The following VAC14 variants were observed in gnomAD, a reference collection of about 807,000 sequenced individuals.
VAC14 encodes the protein protein VAC14 homolog.
In VAC14, 47 loss-of-function variants were observed where a neutral mutation model predicts 85.3. The observed-to-expected ratio is 0.55, with a 90% confidence interval of 0.44 to 0.70. The LOEUF is 0.70. VAC14 is among the 30% of genes least tolerant of loss of function. The pLI is 0.00. For synonymous variants in VAC14, 447 were observed against 430.5 expected (o/e 1.04, Z -0.47); for missense variants, 861 against 1,004.3 (o/e 0.86, Z 1.93).
At chr16:70,792,719 G>A (rs2034391734) in intron 1 of VAC14, among the ~76,000 whole-genome samples, 1 of 152,166 alleles carries the variant, frequency 6.6e-6, no homozygotes, top group African/African-American at 2.4e-5. Flanking sequence ...ATGAGCCAAG[G>A]GAGAGCCTGG....
intron 14 of VAC14, among the ~76,000 whole-genome samples, chr16:70,712,824 T>C (rs1049216408): frequency 1.1e-4 from 17 of 152,240 alleles, no homozygotes; most frequent in Middle Eastern, 3.2e-3. Flanking sequence ...AAATAAAGTA[T>C]TGAGAATCCT....
In VAC14 at chr16:70,687,837, G is replaced by T; in HGVS notation, c.*91C>A. On this transcript the variant is annotated 3_prime_UTR_variant, in exon 19 of 19. Transcript: ENST00000261776. ...GGTTGGCAGGCCCAGCCCTGGTCCT[G>T]ACAGGCAGGTCCTTGAGCTCCTCGG... 7.7e-7 allele frequency: 1 copy of T among 1,301,144 alleles called. No homozygotes were observed. Among genetic ancestry groups the T allele is most frequent in the Non-Finnish European group, 9.9e-7 (1 of 1,011,458 alleles). The allele number at this position is 1,301,144 out of a possible 1,614,324, so 80.6% of individuals were successfully genotyped here.
intron 10 of VAC14, among the ~76,000 whole-genome samples, chr16:70,764,826 A>C (rs949039966): frequency 7.2e-5 from 11 of 152,224 alleles, no homozygotes; most frequent in African/African-American, 2.4e-4. Context: ...AGGCCCACAC[A>C]ACAGTCCACG....
chr16:70,773,879 C>T (rs2033378577), intron 9 of VAC14, among the ~76,000 whole-genome samples: 1 of 151,976 alleles, frequency 6.6e-6, no homozygotes, highest in Admixed American at 6.6e-5. Context: ...ATTGAGCCCA[C>T]CTCAGCTTCC....
At chr16:70,701,177 C>T (rs1279308021) in intron 14 of VAC14, among the ~76,000 whole-genome samples, 1 of 152,212 alleles carries the variant, frequency 6.6e-6, no homozygotes, top group Non-Finnish European at 1.5e-5. Context: ...AGCCCTTCCG[C>T]TCTTCTCTCT....
intron 14 of VAC14, among the ~76,000 whole-genome samples, chr16:70,713,836 C>T (rs533627724): frequency 1.1e-3 from 161 of 152,284 alleles, no homozygotes; most frequent in Non-Finnish European, 1.9e-3. Context: ...AGCCACTACG[C>T]CCAGCCTGTG....
At chr16:70,785,535 G>C (rs2034008294) in intron 3 of VAC14, among the ~76,000 whole-genome samples, 167 bp downstream of exon 3, 1 of 152,186 alleles carries the variant, frequency 6.6e-6, no homozygotes, top group African/African-American at 2.4e-5. Flanking sequence ...AGGTATAAAT[G>C]CAAGTCCATT....
chr16:70,719,386 A>T (rs1567536550), intron 14 of VAC14, among the ~76,000 whole-genome samples: 3 of 152,222 alleles, frequency 2.0e-5, no homozygotes, highest in Non-Finnish European at 2.9e-5. Flanking sequence ...CCTGGACTAG[A>T]TTAAAAATAA....
rs202230731 is a variant in VAC14 at position 70,767,704 on chromosome 16, G to A, written c.1160+4405C>T. ...CAGATCTAGCTTGAATTCCAGCTTG[G>A]CTACTAATTAGTTGAGTGACTCTGG... On this transcript the variant is annotated intron_variant, in intron 10 of 18. Coordinates refer to ENST00000261776, the MANE Select transcript of VAC14 (RefSeq NM_018052.5). 3.9e-5 allele frequency among the ~76,000 whole-genome samples: 6 copies of A among 152,132 alleles called. No individual in the cohort carries two copies. The East Asian group carries it at 9.6e-4, about 24-fold the overall frequency.
chr16:70,773,822 T>G (rs2033374927), intron 9 of VAC14, among the ~76,000 whole-genome samples: 1 of 152,024 alleles, frequency 6.6e-6, no homozygotes, highest in Non-Finnish European at 1.5e-5. Flanking sequence ...TGGAGTGTAG[T>G]GGCACAACCT....
rs1254056916 is a variant in VAC14 at position 70,783,528 on chromosome 16, G to A, written c.621C>T (p.Asp207=). The part of the protein sequence containing the change: ...SWILVLESVP[D]INLLDYLPEI... ...CCGGCAGGTAATCCAGCAGGTTAAT[G>A]TCTGGCACCGACTCCAGAACCAGGA... Residue 207 remains aspartate, a synonymous_variant, in exon 6 of 19, where the codon GAC becomes GAT. Transcript: ENST00000261776. 43 of 1,613,976 alleles carry A rather than the reference G, an allele frequency of 2.7e-5. No individual in the cohort carries two copies. The highest frequency in any genetic ancestry group is 3.6e-5 in the Non-Finnish European group (42 of 1,180,034).
chr16:70,776,869 G>A (rs1156346570), intron 9 of VAC14, among the ~76,000 whole-genome samples: 2 of 148,974 alleles, frequency 1.3e-5, no homozygotes, highest in Non-Finnish European at 3.0e-5. Flanking sequence ...CTGCAGTGGT[G>A]TGATCTCGGC....
At chr16:70,703,830 CTG>C (rs1240747065) in intron 14 of VAC14, among the ~76,000 whole-genome samples, 3 of 152,236 alleles carry the variant, frequency 2.0e-5, no homozygotes, top group Non-Finnish European at 4.4e-5. Flanking sequence ...GCCTTAAGAA[CTG>C]AGACTACACA....
chr16:70,761,837 C>A, intron 12 of VAC14, among the ~76,000 whole-genome samples: 1 of 152,362 alleles, frequency 6.6e-6, no homozygotes, highest in Non-Finnish European at 1.5e-5. Context: ...ACACAACCAA[C>A]GCTAACTGAG....
chr16:70,695,574 C>G lies in VAC14; in HGVS notation c.2005G>C (p.Val669Leu). 6.2e-7 allele frequency: 1 copy of G among 1,613,946 alleles called. No homozygotes were observed. The highest frequency in any genetic ancestry group is 8.5e-7 in the Non-Finnish European group (1 of 1,179,972). Residue 669 changes from valine to leucine, a missense_variant, in exon 17 of 19, where the codon GTG becomes CTG. Val to Leu is a conservative substitution (Grantham distance 32). Coordinates refer to ENST00000261776, the MANE Select transcript of VAC14 (RefSeq NM_018052.5). ...VDFLAEVDKL[V>L]QLIECPIFTY... ...AAGATGGGGCACTCAATCAGCTGCACCAGCTTGTCCACCTCTGCGAGGAAG... is the reference window on the plus strand; with the variant it reads ...AAGATGGGGCACTCAATCAGCTGCAGCAGCTTGTCCACCTCTGCGAGGAAG...
chr16:70,693,069 C>T (rs1032414513), intron 17 of VAC14, 98 bp from the exon 18 acceptor site: 11 of 1,458,198 alleles, frequency 7.5e-6, no homozygotes, highest in African/African-American at 1.4e-5. Flanking sequence ...CCACCTGGGA[C>T]TTGGTGCCAT....
chr16:70,774,501 T>A (rs79164076), intron 9 of VAC14, among the ~76,000 whole-genome samples: 3,893 of 152,156 alleles, frequency 0.026, 182 homozygotes, highest in African/African-American at 0.088. Context: ...AAGGTTACTG[T>A]TTTTCTGTTT....
chr16:70,795,495 A>G (rs1359732677), intron 1 of VAC14, among the ~76,000 whole-genome samples: 43 of 81,144 alleles, frequency 5.3e-4, no homozygotes, highest in Admixed American at 2.7e-3. Flanking sequence ...GACTCTGTCT[A>G]AAAAAAAAAA....
chr16:70,705,752 A>C lies in VAC14; in HGVS notation c.1662-6941T>G, dbSNP rs557157064. ...CCCCATGATGAACAGAGGACTCAGAAGAAGCCTCAGCTGGCAAGTTCCAGG... is the reference window on the plus strand; with the variant it reads ...CCCCATGATGAACAGAGGACTCAGACGAAGCCTCAGCTGGCAAGTTCCAGG... On this transcript the variant is annotated intron_variant, in intron 14 of 18. Coordinates refer to ENST00000261776, the MANE Select transcript of VAC14 (RefSeq NM_018052.5). Among the ~76,000 whole-genome samples, 320 of 152,320 alleles carry C rather than the reference A, an allele frequency of 2.1e-3. 1 individual carries two copies. Among genetic ancestry groups the C allele is most frequent in the Non-Finnish European group, 3.5e-3 (235 of 68,020 alleles).
Sources: allele counts gnomAD v4.1 joint callset (sites outside exome capture counted in the v4.1 genomes callset), GRCh38; gene constraint gnomAD v4.1.1; transcripts MANE v1.5; gene names NCBI Gene and HGNC (gene_info 2026-07-23, HGNC 2026-07-21).